Variants in RPS6KC1 observed in about 807,000 individuals in gnomAD.
RPS6KC1 encodes ribosomal protein S6 kinase C1.
Under a neutral mutation model 103.8 loss-of-function variants are expected in RPS6KC1, and 54 were observed. The observed-to-expected ratio is 0.52, with a 90% CI of 0.42 to 0.65. The LOEUF is 0.65. Ranked by LOEUF, RPS6KC1 falls within the 30% of genes least tolerant of loss-of-function variation. The pLI, the probability that RPS6KC1 is intolerant of heterozygous loss-of-function variation, is 0.00. For missense variants in RPS6KC1, 1,151 were observed against 1,253.8 expected (o/e 0.92, Z 1.24); for synonymous variants, 439 against 438.7 (o/e 1.00, Z -0.01).
At chr1:213,791,732 T>C in the RPS6KC1 span, among the ~76,000 whole-genome samples, 1 of 152,192 alleles carries the variant, frequency 6.6e-6, no homozygotes, top group Non-Finnish European at 1.5e-5. Flanking sequence ...CTTCATAACA[T>C]CCCTATGAGG....
At chr1:213,389,036 G>T in the RPS6KC1 span, among the ~76,000 whole-genome samples, 1 of 152,160 alleles carries the variant, frequency 6.6e-6, no homozygotes, top group African/African-American at 2.4e-5. Flanking sequence ...GAAACTTGTT[G>T]AAGAGAGCTG....
the RPS6KC1 span, among the ~76,000 whole-genome samples, chr1:213,329,121 T>C: frequency 6.6e-6 from 1 of 152,200 alleles, no homozygotes; most frequent in African/African-American, 2.4e-5. Context: ...TTCTTCCTTT[T>C]CTGGAACTTG....
At chr1:213,351,759 G>A in the RPS6KC1 span, among the ~76,000 whole-genome samples, 2 of 152,148 alleles carry the variant, frequency 1.3e-5, no homozygotes, top group Non-Finnish European at 2.9e-5. Context: ...AGGTGGAAGC[G>A]GAGATTGGTC....
At chr1:213,841,828 A>T in the RPS6KC1 span, among the ~76,000 whole-genome samples, 1 of 152,204 alleles carries the variant, frequency 6.6e-6, no homozygotes, top group Non-Finnish European at 1.5e-5. Context: ...AAAAGTTTTC[A>T]ATGACTCATC....
intron 1 of RPS6KC1, among the ~76,000 whole-genome samples, chr1:213,058,449 T>G (rs2148322741): frequency 6.6e-6 from 1 of 152,190 alleles, no homozygotes; most frequent in East Asian, 1.9e-4. Context: ...TTTTTTGTTT[T>G]TTGTTTTTTT....
At chr1:213,439,496 A>G in the RPS6KC1 span, among the ~76,000 whole-genome samples, 1 of 151,810 alleles carries the variant, frequency 6.6e-6, no homozygotes, top group Non-Finnish European at 1.5e-5. Flanking sequence ...CAAAGGCCTA[A>G]TGTGTTGTTG....
At chr1:213,307,060 G>GTTT in the RPS6KC1 span, among the ~76,000 whole-genome samples, 23 of 130,446 alleles carry the variant, frequency 1.8e-4, no homozygotes, top group African/African-American at 3.3e-4. Context: ...AAGGATGCAG[G>GTTT]TTTTTTTTTT....
the RPS6KC1 span, among the ~76,000 whole-genome samples, chr1:213,836,886 C>T: frequency 6.6e-6 from 1 of 152,184 alleles, no homozygotes; most frequent in Non-Finnish European, 1.5e-5. Context: ...CAGTCACCAA[C>T]CCCAATCAGC....
the RPS6KC1 span, among the ~76,000 whole-genome samples, chr1:213,458,193 CT>C: frequency 5.3e-5 from 8 of 152,114 alleles, no homozygotes; most frequent in Non-Finnish European, 8.8e-5. Context: ...TTATTGCCAT[CT>C]TTATGTCCAT....
chr1:213,704,629 G>T, the RPS6KC1 span, among the ~76,000 whole-genome samples: 1 of 152,060 alleles, frequency 6.6e-6, no homozygotes, highest in East Asian at 1.9e-4. Flanking sequence ...TTGGTCCCTG[G>T]TGCCTTATTT....
chr1:213,118,180 TAAA>T (rs1408393237), intron 5 of RPS6KC1, among the ~76,000 whole-genome samples: 2 of 152,084 alleles, frequency 1.3e-5, no homozygotes, highest in African/African-American at 2.4e-5. Flanking sequence ...AAAATGAGTC[TAAA>T]TCAAGTTTTA....
At chr1:213,199,551 G>T (rs1390467332) in intron 8 of RPS6KC1, among the ~76,000 whole-genome samples, 1 of 152,148 alleles carries the variant, frequency 6.6e-6, no homozygotes, top group Non-Finnish European at 1.5e-5. Context: ...TCCTGAATGG[G>T]CAATAGCTGG....
Position 213,051,506 on chromosome 1 carries a change from C to T in RPS6KC1, c.102C>T (p.Ala34=). Residue 34 remains alanine, a synonymous_variant, in exon 1 of 15, where the codon GCC becomes GCT. Transcript: ENST00000366960. ...PRGYTVYKVT[A]RVVSRRNPED... Reference sequence around the variant, plus strand: ...GCTACACAGTATATAAGGTCACCGCCCGGGTGAGTGCCGGTGTCGGGCTGG... The same window carrying T: ...GCTACACAGTATATAAGGTCACCGCTCGGGTGAGTGCCGGTGTCGGGCTGG... The T allele has an allele frequency of 6.2e-7, 1 of 1,607,448 alleles. No individual in the cohort carries two copies. Among genetic ancestry groups the T allele is most frequent in the Non-Finnish European group, 8.5e-7 (1 of 1,175,516 alleles).
At chr1:213,444,169 T>C in the RPS6KC1 span, among the ~76,000 whole-genome samples, 2 of 152,204 alleles carry the variant, frequency 1.3e-5, no homozygotes, top group Admixed American at 6.5e-5. Context: ...TATGTGGCAT[T>C]CTCTCTCTGT....
chr1:213,615,397 G>A, the RPS6KC1 span, among the ~76,000 whole-genome samples: 1 of 152,252 alleles, frequency 6.6e-6, no homozygotes, highest in Non-Finnish European at 1.5e-5. Flanking sequence ...CCAGCCTTCA[G>A]TGCCTGCAAT....
chr1:213,429,873 CTT>C, the RPS6KC1 span, among the ~76,000 whole-genome samples: 1 of 152,218 alleles, frequency 6.6e-6, no homozygotes. Flanking sequence ...GCTTTCCTCT[CTT>C]AGTTAACATC....
the RPS6KC1 span, among the ~76,000 whole-genome samples, chr1:213,642,195 A>C: frequency 1.3e-4 from 20 of 151,954 alleles, no homozygotes; most frequent in Non-Finnish European, 2.8e-4. Flanking sequence ...AAATTGATGA[A>C]CTTATTGCTA....
the RPS6KC1 span, among the ~76,000 whole-genome samples, chr1:213,394,277 G>A: frequency 6.6e-5 from 10 of 152,256 alleles, no homozygotes; most frequent in South Asian, 2.1e-4. Flanking sequence ...GCTCATGCTC[G>A]TGCCAATGAT....
intron 8 of RPS6KC1, among the ~76,000 whole-genome samples, chr1:213,197,998 T>C (rs1361573647): frequency 6.6e-6 from 1 of 152,180 alleles, no homozygotes; most frequent in African/African-American, 2.4e-5. Context: ...TGCTAGTTGT[T>C]GCCTGAAAAC....
Sources: allele counts gnomAD v4.1 joint callset (sites outside exome capture counted in the v4.1 genomes callset), GRCh38; gene constraint gnomAD v4.1.1; transcripts MANE v1.5; gene names NCBI Gene and HGNC (gene_info 2026-07-23, HGNC 2026-07-21).